The following EPC1 variants were observed in gnomAD, a reference collection of about 807,000 sequenced individuals.
The protein encoded by EPC1 is enhancer of polycomb 1, also known as enhancer of polycomb homolog 1.
Under a neutral mutation model 98.4 loss-of-function variants are expected in EPC1, and 12 were observed. The observed-to-expected ratio is 0.12, with a 90% confidence interval of 0.08 to 0.20. The LOEUF (loss-of-function observed/expected upper bound fraction) is 0.20. EPC1 is among the 10% of genes least tolerant of loss of function. The pLI, the probability that EPC1 is intolerant of heterozygous loss-of-function variation, is 1.00. For synonymous variants in EPC1, 357 were observed against 363.9 expected (o/e 0.98, Z 0.21); for missense variants, 729 against 990.5 (o/e 0.74, Z 3.54).
chr10:32,306,054 T>A, intron 1 of EPC1, 123 bp from the exon 2 acceptor site: 2 of 820,676 alleles, frequency 2.4e-6, no homozygotes, highest in Non-Finnish European at 3.5e-6. Context: ...TAGTAGATCT[T>A]AAAAGCATGT....
At chr10:32,272,239 A>C (rs1395798346) in intron 11 of EPC1, 72 bp from the exon 12 acceptor site, 18 of 1,285,050 alleles carry the variant, frequency 1.4e-5, no homozygotes, top group Non-Finnish European at 1.9e-5. Flanking sequence ...CTACACATGC[A>C]TACCAAAATC....
At chr10:32,310,440 G>T (rs1836141359) in intron 1 of EPC1, among the ~76,000 whole-genome samples, 1 of 152,154 alleles carries the variant, frequency 6.6e-6, no homozygotes, top group Admixed American at 6.6e-5. Flanking sequence ...CATTATTAGA[G>T]AAGCTGAAGA....
At chr10:32,337,531 G>C (rs1249639074) in intron 1 of EPC1, among the ~76,000 whole-genome samples, 1 of 152,186 alleles carries the variant, frequency 6.6e-6, no homozygotes, top group Non-Finnish European at 1.5e-5. Flanking sequence ...TCAACTGAAG[G>C]AGCTGCCACA....
intron 1 of EPC1, among the ~76,000 whole-genome samples, chr10:32,338,622 C>G (rs1838126665): frequency 6.6e-6 from 1 of 152,196 alleles, no homozygotes; most frequent in African/African-American, 2.4e-5. Flanking sequence ...TGTTTCAGCT[C>G]AGGCTCTGTG....
chr10:32,311,553 T>C (rs1294245309), intron 1 of EPC1, among the ~76,000 whole-genome samples: 1 of 151,938 alleles, frequency 6.6e-6, no homozygotes, highest in African/African-American at 2.4e-5. Flanking sequence ...CCTTCCTTCC[T>C]CAACAGCTGA....
At chr10:32,309,502 T>TC (rs960820780) in intron 1 of EPC1, among the ~76,000 whole-genome samples, 4 of 151,312 alleles carry the variant, frequency 2.6e-5, no homozygotes, top group African/African-American at 9.7e-5. Context: ...GCTTTTTTTT[T>TC]TTTTTCTTTT....
rs184330723 is a variant in EPC1, at chr10:32,318,732, G to C, written c.154-12801C>G. On this transcript the variant is annotated intron_variant, in intron 1 of 13. Coordinates refer to ENST00000319778, the MANE Select transcript of EPC1 (RefSeq NM_001272004.3). Reference sequence around the variant, plus strand: ...TCTTATTTCCCCATTTCCAAATCAGGCACAGATTTCTCATTGGTTTTATGA... The same window carrying C: ...TCTTATTTCCCCATTTCCAAATCAGCCACAGATTTCTCATTGGTTTTATGA... 5.8e-3 allele frequency among the ~76,000 whole-genome samples: 886 copies of C among 152,088 alleles called. 13 individuals carry two copies. The highest frequency in any genetic ancestry group is 5.0e-3 in the Non-Finnish European group (342 of 68,000).
chr10:32,361,515 T>C (rs1342788771), intron 1 of EPC1, among the ~76,000 whole-genome samples: 1 of 152,238 alleles, frequency 6.6e-6, no homozygotes, highest in Admixed American at 6.5e-5. Flanking sequence ...GTTACGATTA[T>C]AGTTTACTGT....
At chr10:32,324,871 T>C (rs1250410123) in intron 1 of EPC1, among the ~76,000 whole-genome samples, 2 of 152,114 alleles carry the variant, frequency 1.3e-5, no homozygotes, top group South Asian at 2.1e-4. Context: ...CTGGAGCCTG[T>C]AGTCCCAGCC....
intron 1 of EPC1, chr10:32,345,491 G>A (rs1355988773): frequency 1.0e-6 from 1 of 985,454 alleles, no homozygotes; most frequent in Non-Finnish European, 1.2e-6. Context: ...CAAAATTGTA[G>A]CACACAAATC....
rs181332132 is a variant in EPC1 at position 32,366,184 on chromosome 10, C to T, written c.3+12307G>A. ...GTACTTTTAAATCTACATTACAAAA[C>T]ATGTTTATGTTTCATATGATGCTTT... On this transcript the variant is annotated intron_variant, in intron 1 of 13. Transcript: ENST00000375110. Among the ~76,000 whole-genome samples, 12 of 152,268 alleles carry T rather than the reference C, an allele frequency of 7.9e-5. No individual in the cohort carries two copies. In the East Asian group the frequency reaches 2.1e-3, roughly 27 times the overall value.
chr10:32,364,247 C>T (rs1464609872), intron 1 of EPC1, among the ~76,000 whole-genome samples: 5 of 151,120 alleles, frequency 3.3e-5, no homozygotes, highest in African/African-American at 7.3e-5. Flanking sequence ...TTGGCCAGGC[C>T]GGTCTCGAAC....
At chr10:32,306,148 T>C (rs1041991055) in intron 1 of EPC1, among the ~76,000 whole-genome samples, 2 of 152,130 alleles carry the variant, frequency 1.3e-5, no homozygotes, top group Non-Finnish European at 2.9e-5. Context: ...ATTTCCTCAA[T>C]ATAGCAAAAG....
intron 6 of EPC1, among the ~76,000 whole-genome samples, chr10:32,290,906 C>G (rs1343986740): frequency 6.6e-6 from 1 of 151,890 alleles, no homozygotes; most frequent in African/African-American, 2.4e-5. Flanking sequence ...TCCCTAGTAG[C>G]TGGGATTGCA....
At chr10:32,301,199 C>T (rs1038563805) in intron 2 of EPC1, among the ~76,000 whole-genome samples, 8 of 151,946 alleles carry the variant, frequency 5.3e-5, no homozygotes, top group African/African-American at 1.7e-4. Context: ...GAGTATTAAG[C>T]GGAGAGCCAG....
At chr10:32,366,884 C>G (rs961249850) in intron 1 of EPC1, among the ~76,000 whole-genome samples, 1 of 152,120 alleles carries the variant, frequency 6.6e-6, no homozygotes, top group African/African-American at 2.4e-5. Context: ...TATAATGTAG[C>G]CTTTGCCATG....
chr10:32,345,185 A>C (rs1838678786), intron 1 of EPC1: 1 of 984,392 alleles, frequency 1.0e-6, no homozygotes, highest in South Asian at 4.7e-5. Context: ...TGCTACTCTA[A>C]AGTTGATACA....
intron 1 of EPC1, among the ~76,000 whole-genome samples, chr10:32,307,469 A>C (rs75847766): frequency 0.013 from 2,047 of 152,292 alleles, 43 homozygotes; most frequent in African/African-American, 0.046. Flanking sequence ...TTTCTTTACA[A>C]ATGATAAAGT....
intron 1 of EPC1, among the ~76,000 whole-genome samples, chr10:32,368,832 T>C (rs188486969): frequency 2.0e-5 from 3 of 152,348 alleles, no homozygotes; most frequent in Non-Finnish European, 4.4e-5. Context: ...TGAGTACTTA[T>C]GGCAAGTCTA....
Sources: gnomAD v4.1 joint callset for allele counts (sites outside exome capture counted in the v4.1 genomes callset) on GRCh38, gnomAD v4.1.1 for gene constraint, MANE v1.5 for transcripts, NCBI Gene and HGNC (gene_info 2026-07-23, HGNC 2026-07-21) for gene names.